Variants in EPHA6 observed in about 807,000 individuals in gnomAD.
The protein encoded by EPHA6 is EPH receptor A6.
A neutral mutation model predicts 112.0 loss-of-function variants in EPHA6; 50 were observed. The observed-to-expected ratio is 0.45, with a 90% confidence interval of 0.36 to 0.56. The LOEUF (loss-of-function observed/expected upper bound fraction) is 0.56. Ranked by LOEUF, EPHA6 falls within the 20% of genes least tolerant of loss-of-function variation. The pLI is 0.00. For synonymous variants in EPHA6, 529 were observed against 490.7 expected, an observed-to-expected ratio of 1.08 and a Z score of -1.03; for missense variants, 1,280 against 1,417.4, an observed-to-expected ratio of 0.90 and a Z score of 1.56.
At chr3:97,559,324 A>G (rs1560137239) in intron 11 of EPHA6, among the ~76,000 whole-genome samples, 1 of 152,076 alleles carries the variant, frequency 6.6e-6, no homozygotes. Context: ...ATTGATAATA[A>G]CAGGAGAGAA....
intron 2 of EPHA6, among the ~76,000 whole-genome samples, chr3:96,965,961 G>A (rs907254293): frequency 6.6e-6 from 1 of 151,944 alleles, no homozygotes; most frequent in African/African-American, 2.4e-5. Context: ...ACATGGTCTT[G>A]TTTGAGCTCT....
At chr3:97,502,205 A>G (rs1197578116) in intron 10 of EPHA6, among the ~76,000 whole-genome samples, 6 of 123,794 alleles carry the variant, frequency 4.8e-5, no homozygotes, top group South Asian at 2.4e-4. Flanking sequence ...ATCTTGCTCT[A>G]TCGCCCACGC....
In EPHA6 at chr3:97,481,645, G is replaced by A. The variant is rs371020841; in HGVS notation, c.2074+2281G>A. On this transcript the variant is annotated intron_variant, in intron 9 of 17. Transcript: ENST00000389672. Reference sequence around the variant, plus strand: ...CTCCCTAGGCCCGCCGCTTGGAGACGCCCCGCCCCCTGCCTTCAACGGCCG... The same window carrying A: ...CTCCCTAGGCCCGCCGCTTGGAGACACCCCGCCCCCTGCCTTCAACGGCCG... 380 of 429,312 alleles carry A rather than the reference G, an allele frequency of 8.9e-4. 2 individuals carry two copies. Among genetic ancestry groups the A allele is most frequent in the African/African-American group, 6.7e-3 (330 of 49,160 alleles). 26.6% of individuals were successfully genotyped at this position (429,312 alleles called of 1,614,324 possible).
At chr3:97,004,631 G>T (rs1253543948) in intron 3 of EPHA6, among the ~76,000 whole-genome samples, 1 of 152,100 alleles carries the variant, frequency 6.6e-6, no homozygotes, top group Non-Finnish European at 1.5e-5. Context: ...CTGTTCAGAA[G>T]CTCTTTAGAC....
intron 11 of EPHA6, among the ~76,000 whole-genome samples, chr3:97,578,102 G>C (rs569949502): frequency 3.3e-5 from 5 of 152,132 alleles, no homozygotes; most frequent in Admixed American, 3.3e-4. Context: ...GTTAATTTAG[G>C]GACCAGGAAT....
intron 3 of EPHA6, among the ~76,000 whole-genome samples, chr3:97,170,393 T>G (rs1199171798): frequency 6.6e-6 from 1 of 152,124 alleles, no homozygotes; most frequent in Non-Finnish European, 1.5e-5. Flanking sequence ...ATGATGAATG[T>G]GAAAGACTGG....
chr3:97,062,514 G>A (rs1487925436), intron 3 of EPHA6, among the ~76,000 whole-genome samples: 1 of 152,108 alleles, frequency 6.6e-6, no homozygotes, highest in African/African-American at 2.4e-5. Context: ...ATTAAGAAGT[G>A]GGCAAAGGAA....
At chr3:97,127,243 G>A (rs2048207899) in intron 3 of EPHA6, among the ~76,000 whole-genome samples, 1 of 152,154 alleles carries the variant, frequency 6.6e-6, no homozygotes, top group Non-Finnish European at 1.5e-5. Context: ...AATAAACTGG[G>A]AGGGAACTTT....
At position 97,103,702 on chromosome 3, in the gene EPHA6, A is replaced by G. The variant is rs180982026; in HGVS notation, c.1114+115709A>G. ...CTGTGAAAATGTCATTGGGAGTTTG[A>G]TAGGAATCGCACTGAATCTGTAAAT... On this transcript the variant is annotated intron_variant, in intron 3 of 17. Transcript: ENST00000389672. 8.5e-5 allele frequency among the ~76,000 whole-genome samples: 13 copies of G among 152,180 alleles called. No homozygotes were observed. The East Asian group carries it at 2.3e-3, about 27-fold the overall frequency.
Position 96,824,321 on chromosome 3 carries a change from CA to C in EPHA6, c.385+9314del, listed in dbSNP as rs1256516296. On this transcript the variant is annotated intron_variant, in intron 1 of 17. Coordinates refer to ENST00000389672, the MANE Select transcript of EPHA6 (RefSeq NM_001080448.3). ...TTTAAATGCTACCAAGCCTTAAAATCAGATAAAATTTTAAACATATTTCTAT... is the reference window on the plus strand; with the variant it reads ...TTTAAATGCTACCAAGCCTTAAAATCGATAAAATTTTAAACATATTTCTAT... 2.0e-5 allele frequency among the ~76,000 whole-genome samples: 3 copies of C among 151,632 alleles called. 1 individual carries two copies. Among genetic ancestry groups the C allele is most frequent in the African/African-American group, 7.2e-5 (3 of 41,380 alleles).
chr3:96,853,506 G>A (rs1032610766), intron 1 of EPHA6, among the ~76,000 whole-genome samples: 1 of 151,824 alleles, frequency 6.6e-6, no homozygotes, highest in Non-Finnish European at 1.5e-5. Flanking sequence ...AGCACCATCT[G>A]ATTTGTTTTA....
At chr3:97,085,442 G>T (rs1479115065) in intron 3 of EPHA6, among the ~76,000 whole-genome samples, 1 of 152,082 alleles carries the variant, frequency 6.6e-6, no homozygotes, top group Non-Finnish European at 1.5e-5. Context: ...ACATGCCCTT[G>T]CACAATGAAG....
intron 5 of EPHA6, among the ~76,000 whole-genome samples, chr3:97,315,895 A>G (rs1194934927): frequency 1.3e-5 from 2 of 151,794 alleles, no homozygotes; most frequent in Non-Finnish European, 1.5e-5. Context: ...GCACCTTTCT[A>G]TAAGTTTGTA....
At chr3:97,054,163 A>AAG (rs1559697218) in intron 3 of EPHA6, among the ~76,000 whole-genome samples, 13 of 145,548 alleles carry the variant, frequency 8.9e-5, no homozygotes, top group Non-Finnish European at 6.1e-5. Context: ...ATAACTATCT[A>AAG]ACACACACAC....
At chr3:97,503,390 G>C (rs75887915) in intron 10 of EPHA6, among the ~76,000 whole-genome samples, 4,375 of 152,194 alleles carry the variant, frequency 0.029, 202 homozygotes, top group African/African-American at 0.096. Context: ...GAAAAAGTTT[G>C]TTTGACTTAC....
At chr3:97,621,883 T>C (rs1316577130) in intron 13 of EPHA6, among the ~76,000 whole-genome samples, 1 of 151,846 alleles carries the variant, frequency 6.6e-6, no homozygotes, top group Non-Finnish European at 1.5e-5. Flanking sequence ...AGAAGCCAGA[T>C]TGCAGAGAGC....
chr3:97,340,719 A>G (rs992058798), intron 5 of EPHA6, among the ~76,000 whole-genome samples: 1 of 152,178 alleles, frequency 6.6e-6, no homozygotes, highest in Non-Finnish European at 1.5e-5. Flanking sequence ...ACTTGTAGAC[A>G]GTCACCTTCT....
chr3:97,316,089 G>A (rs945745879), intron 5 of EPHA6, among the ~76,000 whole-genome samples: 1 of 151,630 alleles, frequency 6.6e-6, no homozygotes, highest in South Asian at 2.1e-4. Flanking sequence ...TTAAATTATT[G>A]TGTCATATTA....
chr3:96,981,427 TG>T (rs2042771185), intron 2 of EPHA6, among the ~76,000 whole-genome samples: 1 of 152,194 alleles, frequency 6.6e-6, no homozygotes, highest in South Asian at 2.1e-4. Flanking sequence ...ATAAGCTTTT[TG>T]ATGTGCTGCT....
Sources: allele counts gnomAD v4.1 joint callset (sites outside exome capture counted in the v4.1 genomes callset), GRCh38; gene constraint gnomAD v4.1.1; transcripts MANE v1.5; gene names NCBI Gene and HGNC (gene_info 2026-07-23, HGNC 2026-07-21).